CLEC2L: variants seen among roughly 807,000 people sequenced by gnomAD.
The protein encoded by CLEC2L is C-type lectin domain family 2, member L.
Under a neutral mutation model 23.6 loss-of-function variants are expected in CLEC2L, and 14 were observed. That is an observed-to-expected ratio of 0.59 (90% CI 0.39 to 0.93). CLEC2L has a LOEUF of 0.93. CLEC2L is among the 40% of genes least tolerant of loss of function. The pLI, the probability that CLEC2L is intolerant of heterozygous loss-of-function variation, is 0.00. For missense variants in CLEC2L, 264 were observed against 282.4 expected (o/e 0.93, Z 0.47); for synonymous variants, 114 against 121.3 (o/e 0.94, Z 0.40).
Position 139,523,987 on chromosome 7 carries a change from C to G in CLEC2L, c.60C>G (p.Arg20=). The G allele has an allele frequency of 1.0e-6, 1 of 995,136 alleles. No individual in the cohort carries two copies. The highest frequency in any genetic ancestry group is 1.2e-6 in the Non-Finnish European group (1 of 835,566). 61.6% of individuals were successfully genotyped at this position (995,136 alleles called of 1,614,324 possible). Reference sequence around the variant, plus strand: ...GGCCGCCGCCGCCCCTCGCCGCGCGCCCCGCGCCCGCCCCCGCCGCCCCCA... The same window carrying G: ...GGCCGCCGCCGCCCCTCGCCGCGCGGCCCGCGCCCGCCCCCGCCGCCCCCA... ...RARPPPPLAA[R]PAPAPAAPRP... The change falls in exon 1 of 5, where the codon CGC becomes CGG. Residue 20 remains arginine, a synonymous_variant. Transcript: ENST00000422142. The surrounding 1 kb of genome is among the most constrained non-coding windows in gnomAD (Gnocchi z 4.1).
In CLEC2L at chr7:139,544,587, G is replaced by T; in HGVS notation, c.*245G>T. 1 of 545,120 alleles carries T rather than the reference G, an allele frequency of 1.8e-6. No individual in the cohort carries two copies. The highest frequency in any genetic ancestry group is 3.3e-6 in the Non-Finnish European group (1 of 302,204). 33.8% of individuals were successfully genotyped at this position (545,120 alleles called of 1,614,324 possible). On this transcript the variant is annotated 3_prime_UTR_variant, in exon 5 of 5. Transcript: ENST00000422142. ...CATATGCTAGGTAGTGTAGGCATCTGCCCACCTACACACACACACATGCAT... is the reference window on the plus strand; with the variant it reads ...CATATGCTAGGTAGTGTAGGCATCTTCCCACCTACACACACACACATGCAT...
intron 1 of CLEC2L, among the ~76,000 whole-genome samples, chr7:139,530,382 A>G (rs1018300581): frequency 1.1e-4 from 17 of 152,176 alleles, no homozygotes; most frequent in Admixed American, 1.3e-4. Context: ...TCTAAGGCTC[A>G]GGGGTTGGTG....
rs1420179956 is a variant in CLEC2L, at chr7:139,536,149, C to T, written c.191-125C>T. 10 of 714,220 alleles carry T rather than the reference C, an allele frequency of 1.4e-5. 1 individual carries two copies. In the Middle Eastern group the frequency reaches 1.1e-3, roughly 77 times the overall value. The allele number at this position is 714,220 out of a possible 1,614,324, so 44.2% of individuals were successfully genotyped here. ...GTGAAACCCCATCTCAAAACAACAA[C>T]AACAACAAAACACAGCTTGCTGGGC... On this transcript the variant is annotated intron_variant, in intron 1 of 4. Transcript: ENST00000422142.
chr7:139,538,748 CAAAA>C (rs1260529045), intron 2 of CLEC2L, among the ~76,000 whole-genome samples: 1 of 114,384 alleles, frequency 8.7e-6, no homozygotes, highest in Non-Finnish European at 1.7e-5. Context: ...GACTCCATCT[CAAAA>C]AAACAAAACA....
chr7:139,544,080 A>AAC lies in CLEC2L; in HGVS notation c.534-149_534-148dup, dbSNP rs1396969467. 8.0e-6 allele frequency: 5 copies of AAC among 626,590 alleles called. No homozygotes were observed. The Admixed American group carries it at 1.3e-4, about 16-fold the overall frequency. 38.8% of individuals were successfully genotyped at this position (626,590 alleles called of 1,614,324 possible). On this transcript the variant is annotated intron_variant, in intron 4 of 4. Coordinates refer to ENST00000422142, the MANE Select transcript of CLEC2L (RefSeq NM_001080511.4). ...GGGAGACAATGGGATGCCAAGCTAG[A>AAC]ACAGTCTGTTGGCCCAAATGTCCTA...
chr7:139,544,380 G>A lies in CLEC2L; in HGVS notation c.*38G>A. The A allele has an allele frequency of 7.0e-7, 1 of 1,436,468 alleles. No homozygotes were observed. The highest frequency in any genetic ancestry group is 9.7e-7 in the Non-Finnish European group (1 of 1,033,540). The allele number at this position is 1,436,468 out of a possible 1,614,324, so 89.0% of individuals were successfully genotyped here. On this transcript the variant is annotated 3_prime_UTR_variant, in exon 5 of 5. Coordinates refer to ENST00000422142, the MANE Select transcript of CLEC2L (RefSeq NM_001080511.4). ...CAGAGGTGGCCCCGCCCCTAGGCCT[G>A]TGGGAGGTGTCTGGTGTCTGCTCAA...
At chr7:139,531,529 A>G (rs1356067279) in intron 1 of CLEC2L, among the ~76,000 whole-genome samples, 1 of 152,246 alleles carries the variant, frequency 6.6e-6, no homozygotes. Context: ...TGGAGGACCA[A>G]TCTAAGAGAT....
At chr7:139,538,460 AAAAAAG>A (rs1331449937) in intron 2 of CLEC2L, among the ~76,000 whole-genome samples, 17 of 150,560 alleles carry the variant, frequency 1.1e-4, no homozygotes, top group African/African-American at 3.7e-4. Context: ...ACAAAAAACA[AAAAAAG>A]GTCCGGGCGT....
intron 1 of CLEC2L, among the ~76,000 whole-genome samples, chr7:139,527,027 A>G (rs187424513): frequency 6.6e-6 from 1 of 152,366 alleles, no homozygotes; most frequent in East Asian, 1.9e-4. Context: ...GACTGAGCTG[A>G]ACCCTCCAAG....
rs1324864286 is a variant in CLEC2L, at chr7:139,539,200, C to G, written c.266-1121C>G. Reference sequence around the variant, plus strand: ...TTGCAGCTGACAAAATCCAAAAACACAATCCCATATGACAGATGGGTGAAA... The same window carrying G: ...TTGCAGCTGACAAAATCCAAAAACAGAATCCCATATGACAGATGGGTGAAA... On this transcript the variant is annotated intron_variant, in intron 2 of 4. Coordinates refer to ENST00000422142, the MANE Select transcript of CLEC2L (RefSeq NM_001080511.4). This position sits in a 1 kb window ranked among gnomAD's most constrained non-coding sequence, Gnocchi z 4.1. The G allele has an allele frequency of 6.6e-6, 1 of 152,160 alleles. No individual in the cohort carries two copies. The highest frequency in any genetic ancestry group is 1.5e-5 in the Non-Finnish European group (1 of 68,030). 9.4% of individuals were successfully genotyped at this position (152,160 alleles called of 1,614,324 possible).
chr7:139,525,336 G>A (rs1797491738), intron 1 of CLEC2L, among the ~76,000 whole-genome samples: 1 of 152,184 alleles, frequency 6.6e-6, no homozygotes, highest in Non-Finnish European at 1.5e-5. Flanking sequence ...TGAGGATGGC[G>A]AGGTGGGGAT....
rs548199541 is a variant in CLEC2L, at chr7:139,540,228, C to T, written c.266-93C>T. ...CCACATCTGCAGTGTCCCTGCAGGA[C>T]GCCAAAGCTGAGGCAGGGGAGGGAG... On this transcript the variant is annotated intron_variant, in intron 2 of 4. Coordinates refer to ENST00000422142, the MANE Select transcript of CLEC2L (RefSeq NM_001080511.4). The surrounding 1 kb of genome is among the most constrained non-coding windows in gnomAD (Gnocchi z 5.8). 5.0e-5 allele frequency: 66 copies of T among 1,320,478 alleles called. No individual in the cohort carries two copies. The highest frequency in any genetic ancestry group is 2.3e-4 in the African/African-American group (16 of 68,530). 81.8% of individuals were successfully genotyped at this position (1,320,478 alleles called of 1,614,324 possible). A position where few individuals can be genotyped will look rare whatever the true frequency, so the allele number is the denominator to read the frequency against.
chr7:139,534,976 CAAAAG>C (rs1011665814), intron 1 of CLEC2L, among the ~76,000 whole-genome samples: 14 of 143,292 alleles, frequency 9.8e-5, no homozygotes, highest in African/African-American at 3.6e-4. Flanking sequence ...AAAAAAAAAA[CAAAAG>C]AACAACAACA....
At chr7:139,525,271 A>G (rs1797491154) in intron 1 of CLEC2L, among the ~76,000 whole-genome samples, 1 of 152,070 alleles carries the variant, frequency 6.6e-6, no homozygotes, top group African/African-American at 2.4e-5. Context: ...GGGGTGGGGC[A>G]GTGGACCAGG....
chr7:139,529,633 T>C (rs1412971789), intron 1 of CLEC2L, among the ~76,000 whole-genome samples: 1 of 152,198 alleles, frequency 6.6e-6, no homozygotes, highest in Non-Finnish European at 1.5e-5. Context: ...TGTCTGAAGC[T>C]ACCCACCCAG....
At chr7:139,529,258 T>C (rs1409637954) in intron 1 of CLEC2L, among the ~76,000 whole-genome samples, 1 of 152,234 alleles carries the variant, frequency 6.6e-6, no homozygotes, top group Admixed American at 6.5e-5. Context: ...ACTGAATTCC[T>C]ATAACTCTCT....
Position 139,523,797 on chromosome 7 carries a change from A to C in CLEC2L, c.-131A>C, listed in dbSNP as rs867601984. 4.0e-6 allele frequency: 2 copies of C among 494,576 alleles called. No homozygotes were observed. Among genetic ancestry groups the C allele is most frequent in the South Asian group, 8.6e-5 (1 of 11,692 alleles). The allele number at this position is 494,576 out of a possible 1,614,324, so 30.6% of individuals were successfully genotyped here. A position where few individuals can be genotyped will look rare whatever the true frequency, so the allele number is the denominator to read the frequency against. On this transcript the variant is annotated 5_prime_UTR_variant, in exon 1 of 5. Coordinates refer to ENST00000422142, the MANE Select transcript of CLEC2L (RefSeq NM_001080511.4). The surrounding 1 kb of genome is among the most constrained non-coding windows in gnomAD (Gnocchi z 4.1). ...GAGCCGGGCTCAGCCCCGGCCTGCC[A>C]GCGCCGCGGTCCTAGCCCACCCGAG...
At chr7:139,529,833 G>A (rs1585197468) in intron 1 of CLEC2L, among the ~76,000 whole-genome samples, 1 of 152,146 alleles carries the variant, frequency 6.6e-6, no homozygotes, top group Admixed American at 6.5e-5. Context: ...TTGGGAGGCC[G>A]AGGTGGGTGG....
chr7:139,532,119 T>C (rs1262881214), intron 1 of CLEC2L, among the ~76,000 whole-genome samples: 1 of 152,110 alleles, frequency 6.6e-6, no homozygotes, highest in Admixed American at 6.6e-5. Flanking sequence ...TGGGTGAGAA[T>C]GGACCTAGAC....
Sources: gnomAD v4.1 joint callset for allele counts (sites outside exome capture counted in the v4.1 genomes callset) on GRCh38, gnomAD v4.1.1 for gene constraint, Gnocchi (gnomAD v3.1) non-coding constraint, MANE v1.5 for transcripts, NCBI Gene and HGNC (gene_info 2026-07-23, HGNC 2026-07-21) for gene names.